RABGAP1L: variants seen among roughly 807,000 people sequenced by gnomAD.
RABGAP1L encodes the protein RAB GTPase activating protein 1 like.
A neutral mutation model predicts 137.7 loss-of-function variants in RABGAP1L; 63 were observed. The ratio of observed to expected loss-of-function variants is 0.46; its 90% CI spans 0.37 to 0.56. RABGAP1L has a LOEUF of 0.56. Ranked by LOEUF, RABGAP1L falls within the 20% of genes least tolerant of loss-of-function variation. RABGAP1L has a pLI of 0.00. For missense variants in RABGAP1L, 1,095 were observed against 1,244.0 expected (o/e 0.88, Z 1.80); for synonymous variants, 431 against 433.7 (o/e 0.99, Z 0.08).
At chr1:174,486,069 G>C (rs184606544) in intron 13 of RABGAP1L, among the ~76,000 whole-genome samples, 70 of 151,958 alleles carry the variant, frequency 4.6e-4, no homozygotes, top group African/African-American at 1.6e-3. Context: ...TGGTAGGTTG[G>C]CTATATCTAG....
In RABGAP1L at chr1:174,946,927, T is replaced by A. The variant is rs1168229974; in HGVS notation, c.2341-10530T>A. Among the ~76,000 whole-genome samples, 349 of 67,116 alleles carry A rather than the reference T, an allele frequency of 5.2e-3. 16 individuals carry two copies. Among genetic ancestry groups the A allele is most frequent in the African/African-American group, 0.017 (272 of 16,328 alleles). 44.0% of individuals were successfully genotyped at this position (67,116 alleles called of 152,430 possible). A position where few individuals can be genotyped will look rare whatever the true frequency, so the allele number is the denominator to read the frequency against. On this transcript the variant is annotated intron_variant, in intron 19 of 25. Transcript: ENST00000681986. ...AAAAAAAAAAAAAAAAATATATATA[T>A]ATATATATATATATGTGTGTGTGTG...
chr1:174,322,001 A>T (rs556898526), intron 11 of RABGAP1L, among the ~76,000 whole-genome samples: 1 of 152,148 alleles, frequency 6.6e-6, no homozygotes, highest in African/African-American at 2.4e-5. Flanking sequence ...TTTTTATCAG[A>T]TGTGTTTTGC....
chr1:174,686,660 T>TTTC (rs1553233866), intron 15 of RABGAP1L, among the ~76,000 whole-genome samples: 2 of 109,010 alleles, frequency 1.8e-5, no homozygotes, highest in Non-Finnish European at 1.6e-5. Flanking sequence ...TTTTTTTTTT[T>TTTC]TTTTTTTTTT....
intron 1 of RABGAP1L, among the ~76,000 whole-genome samples, chr1:174,186,531 C>A (rs573492712): frequency 6.6e-6 from 1 of 152,174 alleles, no homozygotes; most frequent in South Asian, 2.1e-4. Flanking sequence ...TATATAGATC[C>A]CTGCTCCCCT....
intron 15 of RABGAP1L, among the ~76,000 whole-genome samples, chr1:174,695,482 A>G (rs575248955): frequency 3.3e-5 from 5 of 152,192 alleles, no homozygotes; most frequent in Admixed American, 2.0e-4. Context: ...TCTTTTTGTT[A>G]ACTTTATCTG....
chr1:174,796,644 G>T (rs1163498228), intron 18 of RABGAP1L, among the ~76,000 whole-genome samples: 2 of 152,160 alleles, frequency 1.3e-5, no homozygotes, highest in Admixed American at 1.3e-4. Context: ...ACCACTTGTT[G>T]TAGTGCCTTG....
At chr1:174,676,627 A>G (rs1677649810) in intron 14 of RABGAP1L, among the ~76,000 whole-genome samples, 2 of 152,222 alleles carry the variant, frequency 1.3e-5, no homozygotes, top group Non-Finnish European at 2.9e-5. Context: ...GAATGAAGAA[A>G]TGTATCTATT....
intron 6 of RABGAP1L, among the ~76,000 whole-genome samples, chr1:174,250,876 C>A (rs1456542784): frequency 6.6e-6 from 1 of 152,216 alleles, no homozygotes; most frequent in Non-Finnish European, 1.5e-5. Flanking sequence ...TCTCGACTCA[C>A]TGCCATCTCT....
rs1664337064 is a variant in RABGAP1L, at chr1:174,160,309, T to A, written c.-34+652T>A. Among the ~76,000 whole-genome samples, 3 of 152,162 alleles carry A rather than the reference T, an allele frequency of 2.0e-5. No individual in the cohort carries two copies. The South Asian group carries it at 6.2e-4, about 32-fold the overall frequency. On this transcript the variant is annotated intron_variant, in intron 1 of 25. Coordinates refer to ENST00000681986, the MANE Select transcript of RABGAP1L (RefSeq NM_001366446.1). ...CCCACCTTGTGAGTGCTCAGTGTCC[T>A]GATAACTGAGTCAAAGTTTCTGAGA...
At chr1:174,447,794 T>C (rs920281937) in intron 13 of RABGAP1L, among the ~76,000 whole-genome samples, 9 of 152,140 alleles carry the variant, frequency 5.9e-5, no homozygotes, top group African/African-American at 2.2e-4. Flanking sequence ...AAGTGCCTTA[T>C]GTCTGCAAAA....
intron 13 of RABGAP1L, among the ~76,000 whole-genome samples, chr1:174,582,380 G>A (rs757841945): frequency 2.0e-5 from 3 of 152,136 alleles, no homozygotes; most frequent in Non-Finnish European, 2.9e-5. Flanking sequence ...TGTATGAAAA[G>A]CTGCAAAGAG....
intron 12 of RABGAP1L, among the ~76,000 whole-genome samples, chr1:174,381,082 C>T (rs1259150970): frequency 1.0e-5 from 1 of 97,308 alleles, no homozygotes; most frequent in Non-Finnish European, 2.0e-5. Flanking sequence ...GTTCAGTTTC[C>T]ATGTAGTTGA....
chr1:174,754,128 A>C (rs1179296315), intron 18 of RABGAP1L, among the ~76,000 whole-genome samples: 1 of 152,234 alleles, frequency 6.6e-6, no homozygotes, highest in East Asian at 1.9e-4. Context: ...ACTGGGCAGG[A>C]AGGCTTTGTC....
intron 19 of RABGAP1L, among the ~76,000 whole-genome samples, chr1:174,816,522 T>C (rs1168895150): frequency 6.6e-6 from 1 of 152,190 alleles, no homozygotes; most frequent in Non-Finnish European, 1.5e-5. Context: ...TTTTTCTACA[T>C]ATTTTTATTC....
intron 1 of RABGAP1L, among the ~76,000 whole-genome samples, chr1:174,181,317 T>G (rs1002564908): frequency 4.6e-5 from 7 of 152,010 alleles, no homozygotes; most frequent in African/African-American, 1.7e-4. Context: ...CTAATCATTT[T>G]ATACAAGGGT....
chr1:174,682,235 C>A (rs1038808542), intron 14 of RABGAP1L, among the ~76,000 whole-genome samples: 6 of 150,488 alleles, frequency 4.0e-5, no homozygotes, highest in African/African-American at 1.5e-4. Flanking sequence ...GAGCTGAGAT[C>A]GTGCCATTGC....
At chr1:174,683,403 C>G in intron 14 of RABGAP1L, 119 bp from the exon 15 acceptor site, 1 of 683,522 alleles carries the variant, frequency 1.5e-6, no homozygotes, top group Admixed American at 2.6e-5. Context: ...GTTGAAAGAC[C>G]AGTGGAATTG....
At chr1:174,757,192 C>G in intron 18 of RABGAP1L, 1 of 312,402 alleles carries the variant, frequency 3.2e-6, no homozygotes, top group Admixed American at 4.1e-5. Context: ...CCTGCCTATA[C>G]CTCAAGCCAC....
At chr1:174,850,913 A>G (rs1648202247) in intron 19 of RABGAP1L, among the ~76,000 whole-genome samples, 1 of 152,228 alleles carries the variant, frequency 6.6e-6, no homozygotes, top group Non-Finnish European at 1.5e-5. Flanking sequence ...CCACTTGAGA[A>G]AGAAGGCAAG....
Sources: allele counts gnomAD v4.1 joint callset (sites outside exome capture counted in the v4.1 genomes callset), GRCh38; gene constraint gnomAD v4.1.1; transcripts MANE v1.5; gene names NCBI Gene and HGNC (gene_info 2026-07-23, HGNC 2026-07-21).